PCDHGA4: variants seen among roughly 807,000 people sequenced by gnomAD.
PCDHGA4 encodes the protein protocadherin gamma subfamily A, 4, also known as protocadherin gamma-A4.
PCDHGA4 carries 38 observed loss-of-function variants against 54.6 expected under a neutral mutation model. That is an observed-to-expected ratio of 0.70 (90% CI 0.54 to 0.91). The LOEUF is 0.91. Among genes scored for constraint, PCDHGA4 ranks in the 40% least tolerant of loss-of-function variants. The pLI is 0.00. For synonymous variants in PCDHGA4, 511 were observed against 512.9 expected, an observed-to-expected ratio of 1.00 and a Z score of 0.05; for missense variants, 1,298 against 1,220.9, an observed-to-expected ratio of 1.06 and a Z score of -0.94.
intron 1 of PCDHGA4, chr5:141,393,798 G>C (rs1228076034): frequency 1.2e-6 from 2 of 1,613,876 alleles, no homozygotes; most frequent in Non-Finnish European, 1.7e-6. Flanking sequence ...GGCACTTCTG[G>C]GGAGGACCAA....
intron 2 of PCDHGA4, among the ~76,000 whole-genome samples, chr5:141,505,026 G>A (rs190826538): frequency 4.6e-5 from 7 of 152,316 alleles, no homozygotes; most frequent in African/African-American, 1.7e-4. Context: ...GCCTGGCACA[G>A]TGGCAGGTGC....
chr5:141,460,505 A>T (rs1430823912), intron 1 of PCDHGA4, among the ~76,000 whole-genome samples: 1 of 152,150 alleles, frequency 6.6e-6, no homozygotes, highest in Non-Finnish European at 1.5e-5. Context: ...ATATGCTGAG[A>T]AGGCTATCTT....
chr5:141,377,221 G>GT (rs1773788570), intron 1 of PCDHGA4: 1 of 152,014 alleles, frequency 6.6e-6, no homozygotes, highest in South Asian at 2.1e-4. Context: ...CGTTTCTTAG[G>GT]TTTTTTCCTA....
rs1292946472 is a variant in PCDHGA4 at position 141,382,951 on chromosome 5, A to G, written c.2514+25330A>G. 2 of 1,600,898 alleles carry G rather than the reference A, an allele frequency of 1.2e-6. No homozygotes were observed. The highest frequency in any genetic ancestry group is 1.7e-6 in the Non-Finnish European group (2 of 1,171,390). On this transcript the variant is annotated intron_variant, in intron 1 of 3. Coordinates refer to ENST00000571252, the MANE Select transcript of PCDHGA4 (RefSeq NM_018917.4). ...CTACAGAGGATTCTTCCTGCTCTCCATCCTCCTGGGGACCCCCTGGGAAGC... is the reference window on the plus strand; with the variant it reads ...CTACAGAGGATTCTTCCTGCTCTCCGTCCTCCTGGGGACCCCCTGGGAAGC...
intron 1 of PCDHGA4, chr5:141,421,770 G>A: frequency 6.2e-7 from 1 of 1,613,856 alleles, no homozygotes; most frequent in Non-Finnish European, 8.5e-7. Context: ...ACTTTTCCTT[G>A]CAACTGCGGG....
In PCDHGA4 at chr5:141,431,814, T is replaced by C. The variant is rs1300319049; in HGVS notation, c.2515-62993T>C. 1 of 1,614,246 alleles carries C rather than the reference T, an allele frequency of 6.2e-7. No homozygotes were observed. Among genetic ancestry groups the C allele is most frequent in the Non-Finnish European group, 8.5e-7 (1 of 1,180,044 alleles). ...GCCCCAGAAGTGGTCCTCACCTCTC[T>C]CGCCAGCTCGGTTCCCGAAAACTCT... On this transcript the variant is annotated intron_variant, in intron 1 of 3. Coordinates refer to ENST00000571252, the MANE Select transcript of PCDHGA4 (RefSeq NM_018917.4). The surrounding 1 kb of genome is among the most constrained non-coding windows in gnomAD (Gnocchi z 4.8).
intron 1 of PCDHGA4, chr5:141,420,939 C>A: frequency 2.6e-6 from 1 of 387,512 alleles, no homozygotes; most frequent in South Asian, 5.2e-5. Context: ...GTAATCATTT[C>A]TTCTGGAATT....
intron 1 of PCDHGA4, chr5:141,385,109 C>A: frequency 6.2e-7 from 1 of 1,614,174 alleles, no homozygotes; most frequent in South Asian, 1.1e-5. Flanking sequence ...AACGTGCCCA[C>A]CTCGCACTTT....
chr5:141,462,393 C>A (rs1465154354), intron 1 of PCDHGA4, among the ~76,000 whole-genome samples: 4 of 152,062 alleles, frequency 2.6e-5, no homozygotes, highest in African/African-American at 9.7e-5. Flanking sequence ...GTTAACATTT[C>A]TTTTATGGCA....
intron 1 of PCDHGA4, chr5:141,400,123 G>T: frequency 6.2e-7 from 1 of 1,614,082 alleles, no homozygotes; most frequent in Non-Finnish European, 8.5e-7. Flanking sequence ...CAGCTTGCAG[G>T]AGGTGCTGCC....
At chr5:141,469,770 A>G (rs1003620088) in intron 1 of PCDHGA4, among the ~76,000 whole-genome samples, 4 of 152,234 alleles carry the variant, frequency 2.6e-5, no homozygotes, top group Non-Finnish European at 5.9e-5. Flanking sequence ...ATACCAGCTT[A>G]TTTATTACAG....
At position 141,508,909 on chromosome 5, in the gene PCDHGA4, G is replaced by A. The variant is rs545345992; in HGVS notation, c.2663-2038G>A. ...GAGGGGAGGGGGCGGGGCGGTGGCG[G>A]ATCTGGCTTCCTTTTGGAGTTAATT... is the stretch of plus-strand genomic sequence containing the variant. On this transcript the variant is annotated intron_variant, in intron 3 of 3. Coordinates refer to ENST00000571252, the MANE Select transcript of PCDHGA4 (RefSeq NM_018917.4). 2.0e-5 allele frequency among the ~76,000 whole-genome samples: 3 copies of A among 152,202 alleles called. No homozygotes were observed. The South Asian group carries it at 6.2e-4, about 32-fold the overall frequency.
chr5:141,419,851 C>T, intron 1 of PCDHGA4: 1 of 1,614,062 alleles, frequency 6.2e-7, no homozygotes, highest in Non-Finnish European at 8.5e-7. Context: ...ACCTGGTGTT[C>T]GCAGATAGCT....
chr5:141,470,023 G>A (rs1258101057), intron 1 of PCDHGA4, among the ~76,000 whole-genome samples: 1 of 152,110 alleles, frequency 6.6e-6, no homozygotes, highest in Admixed American at 6.6e-5. Context: ...CAGCTACTCG[G>A]GATGCTGAGG....
At chr5:141,462,893 G>A (rs577241413) in intron 1 of PCDHGA4, among the ~76,000 whole-genome samples, 68 of 152,170 alleles carry the variant, frequency 4.5e-4, no homozygotes, top group African/African-American at 1.4e-3. Context: ...AGTTTGTTTT[G>A]GAAGGCTATT....
intron 1 of PCDHGA4, chr5:141,422,519 C>T (rs1297821851): frequency 6.2e-7 from 1 of 1,613,968 alleles, no homozygotes; most frequent in African/African-American, 1.3e-5. Context: ...CAGGGAAGCC[C>T]GCCTTTGTCT....
At position 141,389,543 on chromosome 5, in the gene PCDHGA4, C is replaced by A. The variant is rs550025687; in HGVS notation, c.2514+31922C>A. 5.6e-6 allele frequency: 9 copies of A among 1,613,282 alleles called. No individual in the cohort carries two copies. In the East Asian group the frequency reaches 6.7e-5, roughly 12 times the overall value. ...GCCTGCGCGTGTTAGTGGACGACCG[C>A]AACGACAATGCGCCACGGGTGCTGT... On this transcript the variant is annotated intron_variant, in intron 1 of 3. Transcript: ENST00000571252.
rs759731651 is a variant in PCDHGA4 at position 141,356,978 on chromosome 5, C to T, written c.1871C>T (p.Ala624Val). ...DSGYLVTKVVAVDRDSGQNAW... is the reference protein window; with the variant it reads ...DSGYLVTKVVVVDRDSGQNAW... ...GGCTACCTGGTGACCAAAGTGGTGG[C>T]AGTGGACAGAGACTCAGGTCAGAAT... The change falls in exon 1 of 4, where the codon GCA (alanine) becomes GTA (valine). Residue 624 changes from alanine to valine, a missense_variant. Physicochemically the swap from Ala to Val is moderately conservative, Grantham distance 64. Coordinates refer to ENST00000571252, the MANE Select transcript of PCDHGA4 (RefSeq NM_018917.4). 3 of 1,614,228 alleles carry T rather than the reference C, an allele frequency of 1.9e-6. No homozygotes were observed. In the Admixed American group the frequency reaches 5.0e-5, roughly 27 times the overall value.
intron 1 of PCDHGA4, chr5:141,400,672 A>G: frequency 1.1e-6 from 1 of 934,884 alleles, no homozygotes; most frequent in Non-Finnish European, 1.6e-6. Flanking sequence ...TAAGAGGAGC[A>G]GTAAATTGTG....
Sources: gnomAD v4.1 joint callset for allele counts (sites outside exome capture counted in the v4.1 genomes callset) on GRCh38, gnomAD v4.1.1 for gene constraint, Gnocchi (gnomAD v3.1) non-coding constraint, MANE v1.5 for transcripts, NCBI Gene and HGNC (gene_info 2026-07-23, HGNC 2026-07-21) for gene names.